SH2D2A: variants seen among roughly 807,000 people sequenced by gnomAD.
SH2D2A encodes the protein SH2 domain containing 2A, also known as SH2 domain-containing protein 2A.
A neutral mutation model predicts 43.6 loss-of-function variants in SH2D2A; 33 were observed. The observed-to-expected ratio is 0.76, with a 90% CI of 0.57 to 1.01. SH2D2A has a LOEUF of 1.01. SH2D2A is among the 50% of genes least tolerant of loss of function. SH2D2A has a pLI of 0.00. For missense variants in SH2D2A, 491 were observed against 503.1 expected (o/e 0.98, Z 0.23); for synonymous variants, 212 against 206.1 (o/e 1.03, Z -0.25).
chr1:156,814,008 G>A lies in SH2D2A; in HGVS notation c.407C>T (p.Thr136Ile). ...VTFVLTYRSR[T>I]CCRHFLLAQL... ...GGCCAGCAGGAAGTGGCGGCAGCAA[G>A]TCCGGCTCCTGGAGGGCGCCGTTAG... Residue 136 changes from threonine (T) to isoleucine (I), a missense_variant, in exon 5 of 9, where the codon ACT becomes ATT. By Grantham distance (89) the Thr-to-Ile change is moderately conservative. Transcript: ENST00000368199. 3 of 1,512,332 alleles carry A rather than the reference G, an allele frequency of 2.0e-6. No homozygotes were observed. The highest frequency in any genetic ancestry group is 2.7e-6 in the Non-Finnish European group (3 of 1,129,938). The allele number at this position is 1,512,332 out of a possible 1,614,324, so 93.7% of individuals were successfully genotyped here. A position where few individuals can be genotyped will look rare whatever the true frequency, so the allele number is the denominator to read the frequency against.
rs756324388 is a variant in SH2D2A at position 156,816,086 on chromosome 1, C to T, written c.43G>A (p.Glu15Lys). 15 of 1,613,166 alleles carry T rather than the reference C, an allele frequency of 9.3e-6. No homozygotes were observed. The highest frequency in any genetic ancestry group is 6.6e-5 in the South Asian group (6 of 90,930). ...GTGCTGAAGGTTGGGATGGGGGCTT[C>T]GTGACTCCCTGTGAGCACAAAGAGG... ...LAQICPQGSH[E>K]APIPTFSTFQ... is the part of the protein sequence containing the mutation. The change falls in exon 2 of 9, where the codon GAA becomes AAA. Residue 15 changes from glutamate (E) to lysine (K), a missense_variant. Physicochemically the swap from Glu to Lys is moderately conservative, Grantham distance 56. Transcript: ENST00000368199.
At chr1:156,814,124 G>A in intron 4 of SH2D2A, 81 bp downstream of exon 4, 6 of 1,570,040 alleles carry the variant, frequency 3.8e-6, no homozygotes, top group Non-Finnish European at 5.2e-6. Flanking sequence ...CTAAGAGCCC[G>A]GCTCCTCACG....
At position 156,814,097 on chromosome 1, in the gene SH2D2A, G is replaced by A. The variant is rs1242314666; in HGVS notation, c.399-81C>T. On this transcript the variant is annotated intron_variant, in intron 4 of 8. Transcript: ENST00000368199. ...GCGAGAGGCGTGATCCCCACCTTCA[G>A]CAGCCCGGGGAATGAGCTAAGAGCC... is the stretch of plus-strand genomic sequence containing the variant. 1.1e-5 allele frequency: 16 copies of A among 1,510,148 alleles called. No homozygotes were observed. The African/African-American group carries it at 2.1e-4, about 20-fold the overall frequency. The allele number at this position is 1,510,148 out of a possible 1,614,324, so 93.5% of individuals were successfully genotyped here. A position where few individuals can be genotyped will look rare whatever the true frequency, so the allele number is the denominator to read the frequency against.
At chr1:156,811,215 C>T (rs1653395078) in intron 5 of SH2D2A, among the ~76,000 whole-genome samples, 1 of 152,186 alleles carries the variant, frequency 6.6e-6, no homozygotes, top group African/African-American at 2.4e-5. Context: ...AGTCCTGCTC[C>T]TTCCACTGTC....
At chr1:156,813,179 T>A (rs947638695) in intron 5 of SH2D2A, among the ~76,000 whole-genome samples, 1 of 152,098 alleles carries the variant, frequency 6.6e-6, no homozygotes, top group Admixed American at 6.5e-5. Context: ...AAAAAACAAA[T>A]GACTAGGCTG....
chr1:156,810,723 C>T (rs1489771136), intron 5 of SH2D2A, among the ~76,000 whole-genome samples: 1 of 152,070 alleles, frequency 6.6e-6, no homozygotes, highest in East Asian at 1.9e-4. Context: ...AGTTTTGCCA[C>T]GTTGGCCAGG....
rs1192376758 is a variant in SH2D2A, at chr1:156,809,373, G to A, written c.832C>T (p.Pro278Ser). 4 of 1,614,012 alleles carry A rather than the reference G, an allele frequency of 2.5e-6. No homozygotes were observed. The highest frequency in any genetic ancestry group is 3.4e-6 in the Non-Finnish European group (4 of 1,180,020). The change falls in exon 7 of 9, where the codon CCT (proline) becomes TCT (serine). Residue 278 changes from proline (P) to serine (S), a missense_variant. Pro to Ser is a moderately conservative substitution (Grantham distance 74). Transcript: ENST00000368199. The surrounding 1 kb of genome is among the most constrained non-coding windows in gnomAD (Gnocchi z 4.8). ...RPAPRPKPSN[P>S]IYNEPDEPIA... Reference sequence around the variant, plus strand: ...GGTTCATCAGGCTCATTGTAGATAGGATTGGAGGGCTTGGGGCGTGGGGCC... The same window carrying A: ...GGTTCATCAGGCTCATTGTAGATAGAATTGGAGGGCTTGGGGCGTGGGGCC...
In SH2D2A at chr1:156,809,973, G is replaced by T. The variant is rs72698631; in HGVS notation, c.568-166C>A. On this transcript the variant is annotated intron_variant, in intron 5 of 8. Transcript: ENST00000368199. The surrounding 1 kb of genome is among the most constrained non-coding windows in gnomAD (Gnocchi z 4.8). ...TGGATGAGGAAGAGGGGGTGGTGAC[G>T]GCAGGGAGACCCAGGGTTGGATGGA... 6.6e-6 allele frequency among the ~76,000 whole-genome samples: 1 copy of T among 152,142 alleles called. No individual in the cohort carries two copies. The highest frequency in any genetic ancestry group is 2.4e-5 in the African/African-American group (1 of 41,412).
At position 156,807,295 on chromosome 1, in the gene SH2D2A, G is replaced by A. The variant is rs1235229683; in HGVS notation, c.1053C>T (p.Gly351=). The change falls in exon 8 of 9, where the codon GGC becomes GGT. Residue 351 remains glycine, a synonymous_variant. Coordinates refer to ENST00000368199, the MANE Select transcript of SH2D2A (RefSeq NM_003975.4). This position sits in a 1 kb window ranked among gnomAD's most constrained non-coding sequence, Gnocchi z 5.1. ...GTGGGGGCTGGTGGGGCAGGGGAGG[G>A]CCTTGCCCAATCACAGAGTTCTCAG... ...LHSENSVIGQ[G]PPLPHQPPPA... is the part of the protein sequence containing the mutation. 1 of 1,593,602 alleles carries A rather than the reference G, an allele frequency of 6.3e-7. No homozygotes were observed. Among genetic ancestry groups the A allele is most frequent in the East Asian group, 2.2e-5 (1 of 44,606 alleles).
Position 156,809,164 on chromosome 1 carries a change from G to T in SH2D2A, c.1002+39C>A. On this transcript the variant is annotated intron_variant, in intron 7 of 8. Transcript: ENST00000368199. The surrounding 1 kb of genome is among the most constrained non-coding windows in gnomAD (Gnocchi z 4.8). ...ACCTTCCCCCATCTACCTGCAGGGA[G>T]ACCTTCTTGCACCTACCTTTCCCTG... is the stretch of plus-strand genomic sequence containing the variant. 1 of 1,558,514 alleles carries T rather than the reference G, an allele frequency of 6.4e-7. No individual in the cohort carries two copies. Among genetic ancestry groups the T allele is most frequent in the South Asian group, 1.2e-5 (1 of 81,470 alleles).
At chr1:156,813,710 G>T (rs1653585174) in intron 5 of SH2D2A, 138 bp downstream of exon 5, 2 of 775,352 alleles carry the variant, frequency 2.6e-6, no homozygotes, top group African/African-American at 1.8e-5. Context: ...AGATGAAGAT[G>T]CCTGGGTAAG....
At chr1:156,811,646 T>G (rs781475316) in intron 5 of SH2D2A, among the ~76,000 whole-genome samples, 3 of 152,236 alleles carry the variant, frequency 2.0e-5, no homozygotes, top group African/African-American at 7.2e-5. Flanking sequence ...AGGTCACCAA[T>G]GACCTCCTCT....
At position 156,809,642 on chromosome 1, in the gene SH2D2A, A is replaced by G. The variant is rs756805791; in HGVS notation, c.714+19T>C. ...CGCAGGCCTGTCCTCCCACTCCCTC[A>G]GCCCCTGCAGCCCAATACCTCCTTC... is the stretch of plus-strand genomic sequence containing the variant. On this transcript the variant is annotated intron_variant, in intron 6 of 8. Transcript: ENST00000368199. This position sits in a 1 kb window ranked among gnomAD's most constrained non-coding sequence, Gnocchi z 4.8. 3.8e-6 allele frequency: 6 copies of G among 1,599,062 alleles called. No individual in the cohort carries two copies. In the South Asian group the frequency reaches 6.7e-5, roughly 18 times the overall value.
At chr1:156,808,220 G>A (rs1376585293) in intron 7 of SH2D2A, among the ~76,000 whole-genome samples, 1 of 152,246 alleles carries the variant, frequency 6.6e-6, no homozygotes, top group East Asian at 1.9e-4. Flanking sequence ...GTGGCTTACT[G>A]GGGGAGTAAA....
chr1:156,814,302 T>A lies in SH2D2A; in HGVS notation c.309-8A>T. On this transcript the variant is annotated splice_polypyrimidine_tract_variant and splice_region_variant and intron_variant, in intron 3 of 8. Coordinates refer to ENST00000368199, the MANE Select transcript of SH2D2A (RefSeq NM_003975.4). ...AGCAGCCTCTCTGCCTCCCTGTGGG[T>A]GACGGAGAGAGGGGGCCGAACCCTG... is the stretch of plus-strand genomic sequence containing the variant. The A allele has an allele frequency of 6.2e-7, 1 of 1,612,756 alleles. No individual in the cohort carries two copies. The highest frequency in any genetic ancestry group is 8.5e-7 in the Non-Finnish European group (1 of 1,179,522).
chr1:156,813,251 A>T (rs1008051700), intron 5 of SH2D2A, among the ~76,000 whole-genome samples: 1 of 152,132 alleles, frequency 6.6e-6, no homozygotes, highest in Non-Finnish European at 1.5e-5. Context: ...AGACCCCCGC[A>T]TCCTCCCCTG....
At position 156,807,289 on chromosome 1, in the gene SH2D2A, G is replaced by A; in HGVS notation, c.1059C>T (p.Pro353=). 1.9e-6 allele frequency: 3 copies of A among 1,596,978 alleles called. No individual in the cohort carries two copies. Among genetic ancestry groups the A allele is most frequent in the Non-Finnish European group, 2.6e-6 (3 of 1,175,528 alleles). The change falls in exon 8 of 9, where the codon CCC becomes CCT. Residue 353 remains proline, a synonymous_variant. Coordinates refer to ENST00000368199, the MANE Select transcript of SH2D2A (RefSeq NM_003975.4). This position sits in a 1 kb window ranked among gnomAD's most constrained non-coding sequence, Gnocchi z 5.1. ...SENSVIGQGP[P]LPHQPPPAWR... ...AGGCGGGTGGGGGCTGGTGGGGCAG[G>A]GGAGGGCCTTGCCCAATCACAGAGT...
Position 156,809,905 on chromosome 1 carries a change from G to A in SH2D2A, c.568-98C>T. ...TAATCCAGTCTAAGTGGAGGATGGGGGAAGGGGGAGGAGCACAGAAATTTG... is the reference window on the plus strand; with the variant it reads ...TAATCCAGTCTAAGTGGAGGATGGGAGAAGGGGGAGGAGCACAGAAATTTG... On this transcript the variant is annotated intron_variant, in intron 5 of 8. Transcript: ENST00000368199. The surrounding 1 kb of genome is among the most constrained non-coding windows in gnomAD (Gnocchi z 4.8). 1 of 1,363,900 alleles carries A rather than the reference G, an allele frequency of 7.3e-7. No homozygotes were observed. Among genetic ancestry groups the A allele is most frequent in the South Asian group, 1.2e-5 (1 of 80,306 alleles). The allele number at this position is 1,363,900 out of a possible 1,614,324, so 84.5% of individuals were successfully genotyped here. A position where few individuals can be genotyped will look rare whatever the true frequency, so the allele number is the denominator to read the frequency against.
chr1:156,809,190 C>A lies in SH2D2A; in HGVS notation c.1002+13G>T, dbSNP rs775585098. 8.2e-6 allele frequency: 13 copies of A among 1,594,944 alleles called. No individual in the cohort carries two copies. Among genetic ancestry groups the A allele is most frequent in the South Asian group, 1.1e-5 (1 of 88,076 alleles). Reference sequence around the variant, plus strand: ...ACCTTCTTGCACCTACCTTTCCCTGCATACCCATTTACCTGGCCTCCTGGG... The same window carrying A: ...ACCTTCTTGCACCTACCTTTCCCTGAATACCCATTTACCTGGCCTCCTGGG... On this transcript the variant is annotated intron_variant, in intron 7 of 8. Coordinates refer to ENST00000368199, the MANE Select transcript of SH2D2A (RefSeq NM_003975.4). The surrounding 1 kb of genome is among the most constrained non-coding windows in gnomAD (Gnocchi z 4.8).
Sources: gnomAD v4.1 joint callset for allele counts (sites outside exome capture counted in the v4.1 genomes callset) on GRCh38, gnomAD v4.1.1 for gene constraint, Gnocchi (gnomAD v3.1) non-coding constraint, MANE v1.5 for transcripts, NCBI Gene and HGNC (gene_info 2026-07-23, HGNC 2026-07-21) for gene names.